Variants in ARB2A observed in about 807,000 individuals in gnomAD.
ARB2A encodes the protein ARB2 cotranscriptional regulator A, also known as cotranscriptional regulator ARB2A.
chr5:94,035,953 C>T, the ARB2A span, among the ~76,000 whole-genome samples: 1 of 151,898 alleles, frequency 6.6e-6, no homozygotes, highest in African/African-American at 2.4e-5. Context: ...CAGATGTATA[C>T]CTATGTAACA....
chr5:94,075,332 AG>A, the ARB2A span, among the ~76,000 whole-genome samples: 1 of 152,084 alleles, frequency 6.6e-6, no homozygotes, highest in African/African-American at 2.4e-5. Context: ...CGATGTCATC[AG>A]TGTCTGGAAG....
chr5:93,824,110 A>G, the ARB2A span: 2 of 1,493,526 alleles, frequency 1.3e-6, no homozygotes, highest in African/African-American at 1.4e-5. Context: ...TAAACCTACA[A>G]GGAGACTGGA....
chr5:93,793,549 T>C, the ARB2A span, among the ~76,000 whole-genome samples: 1 of 152,126 alleles, frequency 6.6e-6, no homozygotes, highest in East Asian at 1.9e-4. Flanking sequence ...TCTCATTCCC[T>C]GCACAATGAC....
chr5:93,954,639 T>C, the ARB2A span, among the ~76,000 whole-genome samples: 1 of 151,864 alleles, frequency 6.6e-6, no homozygotes, highest in Non-Finnish European at 1.5e-5. Flanking sequence ...CTGGCTGGTA[T>C]CTCAGTAGAT....
At chr5:93,618,213 G>T in the ARB2A span, 1 of 151,508 alleles carries the variant, frequency 6.6e-6, no homozygotes, top group Non-Finnish European at 1.5e-5. Context: ...CTCGAGAAAA[G>T]AACAGTTATT....
At chr5:93,666,837 G>A in the ARB2A span, among the ~76,000 whole-genome samples, 5 of 152,148 alleles carry the variant, frequency 3.3e-5, no homozygotes, top group Non-Finnish European at 7.3e-5. Flanking sequence ...CAGTTTTGGT[G>A]TGGTAGATGC....
the ARB2A span, among the ~76,000 whole-genome samples, chr5:93,931,425 T>C: frequency 6.6e-6 from 1 of 152,124 alleles, no homozygotes; most frequent in African/African-American, 2.4e-5. Context: ...GATTGCGCCA[T>C]TGTATTCCAG....
At chr5:93,868,634 T>C in the ARB2A span, among the ~76,000 whole-genome samples, 1 of 152,200 alleles carries the variant, frequency 6.6e-6, no homozygotes, top group Non-Finnish European at 1.5e-5. Context: ...AAAACTCATT[T>C]AGGCTTTCCT....
At chr5:94,022,039 C>A in the ARB2A span, among the ~76,000 whole-genome samples, 5 of 152,208 alleles carry the variant, frequency 3.3e-5, no homozygotes, top group East Asian at 9.7e-4. Context: ...CCACTGTACT[C>A]CAGCCTGGAC....
the ARB2A span, among the ~76,000 whole-genome samples, chr5:94,049,556 G>C: frequency 1.1e-4 from 16 of 151,180 alleles, no homozygotes; most frequent in South Asian, 3.2e-3. Flanking sequence ...AAAAAAATTA[G>C]GTGAAACCCC....
At chr5:93,697,090 G>C in the ARB2A span, among the ~76,000 whole-genome samples, 1 of 150,602 alleles carries the variant, frequency 6.6e-6, no homozygotes, top group Non-Finnish European at 1.5e-5. Context: ...AAAGGTTGGC[G>C]GACAAGTTTA....
At chr5:93,939,241 C>T in the ARB2A span, among the ~76,000 whole-genome samples, 1 of 152,026 alleles carries the variant, frequency 6.6e-6, no homozygotes, top group Non-Finnish European at 1.5e-5. Flanking sequence ...TGCATGTAGG[C>T]ATGTACATCT....
the ARB2A span, among the ~76,000 whole-genome samples, chr5:93,969,620 G>T: frequency 2.6e-5 from 4 of 152,046 alleles, no homozygotes; most frequent in Non-Finnish European, 5.9e-5. Flanking sequence ...GAGAGCAGGG[G>T]TGATCAATGA....
the ARB2A span, among the ~76,000 whole-genome samples, chr5:93,884,789 A>C: frequency 6.6e-6 from 1 of 151,634 alleles, no homozygotes; most frequent in Non-Finnish European, 1.5e-5. Flanking sequence ...ATTTCTGTTA[A>C]ATTAATTAAT....
chr5:93,966,341 A>C, the ARB2A span, among the ~76,000 whole-genome samples: 7 of 152,140 alleles, frequency 4.6e-5, no homozygotes, highest in African/African-American at 1.7e-4. Flanking sequence ...AAAAAATTAA[A>C]TACTACTGAC....
chr5:94,066,571 A>C, the ARB2A span, among the ~76,000 whole-genome samples: 1 of 152,138 alleles, frequency 6.6e-6, no homozygotes, highest in Non-Finnish European at 1.5e-5. Flanking sequence ...CAACTGTACA[A>C]GCTGGAAAAC....
the ARB2A span, among the ~76,000 whole-genome samples, chr5:94,071,638 T>C: frequency 1.3e-5 from 2 of 152,034 alleles, no homozygotes; most frequent in Non-Finnish European, 2.9e-5. Flanking sequence ...CATGAAAAGA[T>C]GTATGGTCAA....
chr5:93,748,666 C>A, the ARB2A span, among the ~76,000 whole-genome samples: 7 of 151,772 alleles, frequency 4.6e-5, no homozygotes, highest in East Asian at 1.9e-4. Flanking sequence ...GCAAAGTGAT[C>A]ATAATAATCA....
At chr5:93,744,434 C>CAAAAAAAAAAAAAAAAAAAAAAAAAAA in the ARB2A span, among the ~76,000 whole-genome samples, 1 of 14,534 alleles carries the variant, frequency 6.9e-5, no homozygotes, top group African/African-American at 2.4e-4. Flanking sequence ...GACTCAGTCT[C>CAAAAAAAAAAAAAAAAAAAAAAAAAAA]AAAAAAAAAA....
Sources: allele counts gnomAD v4.1 joint callset (sites outside exome capture counted in the v4.1 genomes callset), GRCh38; gene constraint gnomAD v4.1.1; transcripts MANE v1.5; gene names NCBI Gene and HGNC (gene_info 2026-07-23, HGNC 2026-07-21).